The following PDLIM4 variants were observed in gnomAD, a reference collection of about 807,000 sequenced individuals.
PDLIM4 encodes PDZ and LIM domain protein 4.
A neutral mutation model predicts 31.3 loss-of-function variants in PDLIM4; 19 were observed. The observed-to-expected ratio is 0.61, with a 90% CI of 0.42 to 0.89. PDLIM4 has a LOEUF of 0.89. Ranked by LOEUF, PDLIM4 falls within the 40% of genes least tolerant of loss-of-function variation. The pLI is 0.00. For synonymous variants in PDLIM4, 176 were observed against 190.1 expected (o/e 0.93, Z 0.61); for missense variants, 442 against 461.1 (o/e 0.96, Z 0.38).
chr5:132,272,501 T>C lies in PDLIM4; in HGVS notation c.*272T>C. ...AGCCTGGGTGGAAGGCAGACCTGAA[T>C]CACAACGGGCCAGCTCTAGTAATAC... On this transcript the variant is annotated 3_prime_UTR_variant, in exon 7 of 7. Transcript: ENST00000253754. The C allele has an allele frequency of 1.9e-6, 1 of 521,864 alleles. No homozygotes were observed. The highest frequency in any genetic ancestry group is 3.5e-6 in the Non-Finnish European group (1 of 285,834). The allele number at this position is 521,864 out of a possible 1,614,324, so 32.3% of individuals were successfully genotyped here.
chr5:132,261,577 G>A (rs1756374251), intron 1 of PDLIM4: 1 of 152,244 alleles, frequency 6.6e-6, no homozygotes, highest in East Asian at 1.9e-4. Context: ...TTGGGGTCAA[G>A]GCAGGGTGAG....
intron 2 of PDLIM4, 138 bp downstream of exon 2, chr5:132,262,898 G>T (rs1458422574): frequency 1.5e-6 from 1 of 675,096 alleles, no homozygotes; most frequent in Non-Finnish European, 2.5e-6. Context: ...ACAGTCCCAA[G>T]GAGTAGCACT....
chr5:132,261,779 G>A (rs7736810), intron 1 of PDLIM4, among the ~76,000 whole-genome samples: 348 of 152,302 alleles, frequency 2.3e-3, no homozygotes, highest in African/African-American at 8.1e-3. Flanking sequence ...GGGAAGTAGA[G>A]GTAGAATTCT....
rs757650811 is a variant in PDLIM4, at chr5:132,266,449, C to A, written c.246-15C>A. On this transcript the variant is annotated splice_polypyrimidine_tract_variant and intron_variant, in intron 2 of 6. Coordinates refer to ENST00000253754, the MANE Select transcript of PDLIM4 (RefSeq NM_003687.4). ...TGGTAGGAGACATATCTGACCATCA[C>A]AATTTCTGCCACAGGCCTGAGGGTA... The A allele has an allele frequency of 1.6e-5, 25 of 1,586,464 alleles. No individual in the cohort carries two copies. The highest frequency in any genetic ancestry group is 2.0e-5 in the Non-Finnish European group (23 of 1,154,962).
rs1401897516 is a variant in PDLIM4 at position 132,272,956 on chromosome 5, A to G, written c.*727A>G. 6.6e-6 allele frequency: 1 copy of G among 152,526 alleles called. No homozygotes were observed. Among genetic ancestry groups the G allele is most frequent in the African/African-American group, 2.4e-5 (1 of 41,362 alleles). 9.4% of individuals were successfully genotyped at this position (152,526 alleles called of 1,614,324 possible). On this transcript the variant is annotated 3_prime_UTR_variant, in exon 7 of 7. Coordinates refer to ENST00000253754, the MANE Select transcript of PDLIM4 (RefSeq NM_003687.4). ...CTTAAATTTCCAGACAGAGACCAGA[A>G]GGAAGGTTTAGAAAGAAAAGAACAC...
intron 4 of PDLIM4, 24 bp downstream of exon 4, chr5:132,271,117 C>T (rs1156987542): frequency 6.2e-7 from 1 of 1,606,344 alleles, no homozygotes; most frequent in African/African-American, 1.3e-5. Context: ...GCCTTCGGTG[C>T]CATGCCCAGA....
In PDLIM4 at chr5:132,271,873, GCTGC is replaced by G; in HGVS notation, c.755_758del (p.Leu252ProfsTer34). On this transcript the variant is annotated frameshift_variant, in exon 6 of 7. Transcript: ENST00000253754. LOFTEE classifies it high-confidence loss of function. ...GCGCTCCGCTGAGCGGCCTGCAGGG[GCTGC>G]CCGAGTGCACGCGCTGCGGCCACGG... 1 of 1,610,644 alleles carries G rather than the reference GCTGC, an allele frequency of 6.2e-7. No homozygotes were observed. The highest frequency in any genetic ancestry group is 8.5e-7 in the Non-Finnish European group (1 of 1,178,332).
chr5:132,268,776 C>T (rs1296021079), intron 3 of PDLIM4, among the ~76,000 whole-genome samples: 5 of 152,150 alleles, frequency 3.3e-5, no homozygotes, highest in Non-Finnish European at 7.4e-5. Context: ...CTGGACTCAG[C>T]GCCTGCCTCC....
Position 132,257,989 on chromosome 5 carries a change from C to CA in PDLIM4, c.93+163dup, listed in dbSNP as rs1225420268. Among the ~76,000 whole-genome samples the CA allele has an allele frequency of 1.3e-5, 2 of 152,160 alleles. No homozygotes were observed. Among genetic ancestry groups the CA allele is most frequent in the African/African-American group, 2.4e-5 (1 of 41,440 alleles). On this transcript the variant is annotated intron_variant, in intron 1 of 6. Transcript: ENST00000253754. This position sits in a 1 kb window ranked among gnomAD's most constrained non-coding sequence, Gnocchi z 4.3. ...GAGGCGGCTTCCAGGCAGAGGCAGGCAGCCCCAGCCGCCCTCCTCCCACGC... is the reference window on the plus strand; with the variant it reads ...GAGGCGGCTTCCAGGCAGAGGCAGGCAAGCCCCAGCCGCCCTCCTCCCACGC...
chr5:132,269,206 C>T (rs1463163631), intron 3 of PDLIM4, among the ~76,000 whole-genome samples: 3 of 151,908 alleles, frequency 2.0e-5, no homozygotes, highest in African/African-American at 7.3e-5. Flanking sequence ...GCATGGGTGA[C>T]CGTGGGAGGG....
At position 132,272,518 on chromosome 5, in the gene PDLIM4, T is replaced by C; in HGVS notation, c.*289T>C. 2.1e-6 allele frequency: 1 copy of C among 484,356 alleles called. No homozygotes were observed. The highest frequency in any genetic ancestry group is 2.1e-5 in the South Asian group (1 of 47,650). The allele number at this position is 484,356 out of a possible 1,614,324, so 30.0% of individuals were successfully genotyped here. ...GACCTGAATCACAACGGGCCAGCTCTAGTAATACGAAGGTGAGGTCTGGGA... is the reference window on the plus strand; with the variant it reads ...GACCTGAATCACAACGGGCCAGCTCCAGTAATACGAAGGTGAGGTCTGGGA... On this transcript the variant is annotated 3_prime_UTR_variant, in exon 7 of 7. Coordinates refer to ENST00000253754, the MANE Select transcript of PDLIM4 (RefSeq NM_003687.4).
chr5:132,270,527 C>T lies in PDLIM4; in HGVS notation c.328-388C>T, dbSNP rs570194070. 1.6e-5 allele frequency: 4 copies of T among 248,486 alleles called. No individual in the cohort carries two copies. In the South Asian group the frequency reaches 2.6e-4, roughly 16 times the overall value. 15.4% of individuals were successfully genotyped at this position (248,486 alleles called of 1,614,324 possible). A position where few individuals can be genotyped will look rare whatever the true frequency, so the allele number is the denominator to read the frequency against. On this transcript the variant is annotated intron_variant, in intron 3 of 6. Transcript: ENST00000253754. Reference sequence around the variant, plus strand: ...GTGAGAAGGCTTGGCACCAGGGCCACCTCTGCCAGGAGGCCACATACTCTG... The same window carrying T: ...GTGAGAAGGCTTGGCACCAGGGCCATCTCTGCCAGGAGGCCACATACTCTG...
Position 132,272,035 on chromosome 5 carries a change from G to C in PDLIM4, c.799G>C (p.Val267Leu). 6.2e-7 allele frequency: 1 copy of C among 1,614,208 alleles called. No individual in the cohort carries two copies. The highest frequency in any genetic ancestry group is 8.5e-7 in the Non-Finnish European group (1 of 1,179,996). The change falls in exon 7 of 7, where the codon GTC (valine) becomes CTC (leucine). Residue 267 changes from valine to leucine, a missense_variant. By Grantham distance (32) the Val-to-Leu change is conservative. Coordinates refer to ENST00000253754, the MANE Select transcript of PDLIM4 (RefSeq NM_003687.4). ...CGTTCCCCCCATCAGGGGCACCATC[G>C]TCAAGGCACGGGACAAGCTCTACCA... ...RCGHGIVGTI[V>L]KARDKLYHPE...
chr5:132,272,506 A>C lies in PDLIM4; in HGVS notation c.*277A>C. On this transcript the variant is annotated 3_prime_UTR_variant, in exon 7 of 7. Coordinates refer to ENST00000253754, the MANE Select transcript of PDLIM4 (RefSeq NM_003687.4). ...GGGTGGAAGGCAGACCTGAATCACA[A>C]CGGGCCAGCTCTAGTAATACGAAGG... 2 of 502,384 alleles carry C rather than the reference A, an allele frequency of 4.0e-6. No individual in the cohort carries two copies. The highest frequency in any genetic ancestry group is 7.3e-6 in the Non-Finnish European group (2 of 273,356). The allele number at this position is 502,384 out of a possible 1,614,324, so 31.1% of individuals were successfully genotyped here.
intron 1 of PDLIM4, among the ~76,000 whole-genome samples, chr5:132,262,358 C>T (rs531547087): frequency 1.4e-4 from 22 of 152,308 alleles, no homozygotes; most frequent in African/African-American, 4.8e-4. Flanking sequence ...TTTGTCCCAG[C>T]CCTGAGGAAG....
chr5:132,261,213 G>T (rs1326192272), intron 1 of PDLIM4, among the ~76,000 whole-genome samples: 1 of 152,194 alleles, frequency 6.6e-6, no homozygotes, highest in Non-Finnish European at 1.5e-5. Flanking sequence ...TGCCAAGTGG[G>T]TGTCTCCCCC....
chr5:132,266,580 A>G, intron 3 of PDLIM4, 35 bp downstream of exon 3: 2 of 1,468,882 alleles, frequency 1.4e-6, no homozygotes, highest in Non-Finnish European at 1.9e-6. Context: ...GGCCTGGCTC[A>G]GAGTGAGCCC....
At chr5:132,259,406 A>G (rs983212568) in intron 1 of PDLIM4, among the ~76,000 whole-genome samples, 2 of 152,134 alleles carry the variant, frequency 1.3e-5, no homozygotes, top group Non-Finnish European at 2.9e-5. Context: ...CAGCAGCAAC[A>G]GCCTTGTTTG....
rs776758605 is a variant in PDLIM4 at position 132,259,711 on chromosome 5, C to T, written c.93+1884C>T. On this transcript the variant is annotated intron_variant, in intron 1 of 6. Transcript: ENST00000253754. ...CCTTGCTTCCAGGACCTCCCCTACG[C>T]GGGACCTGGTAGGGAGGGACAGCCT... Among the ~76,000 whole-genome samples, 26 of 152,264 alleles carry T rather than the reference C, an allele frequency of 1.7e-4. 1 individual carries two copies. The South Asian group carries it at 3.3e-3, about 19-fold the overall frequency.
Sources: gnomAD v4.1 joint callset for allele counts (sites outside exome capture counted in the v4.1 genomes callset) on GRCh38, gnomAD v4.1.1 for gene constraint, Gnocchi (gnomAD v3.1) non-coding constraint, MANE v1.5 for transcripts, NCBI Gene and HGNC (gene_info 2026-07-23, HGNC 2026-07-21) for gene names.